ACTN2: variants seen among roughly 807,000 people sequenced by gnomAD.
ACTN2 encodes the protein actinin alpha 2.
A neutral mutation model predicts 113.8 loss-of-function variants in ACTN2; 39 were observed. The ratio of observed to expected loss-of-function variants is 0.34; its 90% CI spans 0.27 to 0.45. The LOEUF is 0.45. ACTN2 is among the 20% of genes least tolerant of loss of function. The probability of loss-of-function intolerance (pLI) is 1.00; values close to 1 mark genes in which losing one functional copy is unlikely to be tolerated. For missense variants in ACTN2, 992 were observed against 1,177.9 expected, an observed-to-expected ratio of 0.84 and a Z score of 2.31; for synonymous variants, 429 against 444.1, an observed-to-expected ratio of 0.97 and a Z score of 0.43.
rs1657617519 is a variant in ACTN2, at chr1:236,699,666, A to G, written c.126+12867A>G. ...TTTATCTACAGGAATGCCCTCTCAG[A>G]TCAGAGCTCCACAGGGACTGAGCCT... On this transcript the variant is annotated intron_variant, in intron 1 of 20. Transcript: ENST00000366578. 9.2e-5 allele frequency among the ~76,000 whole-genome samples: 14 copies of G among 152,264 alleles called. 1 individual carries two copies. In the South Asian group the frequency reaches 2.9e-3, roughly 32 times the overall value.
chr1:236,687,107 G>A (rs1041034620), intron 1 of ACTN2, among the ~76,000 whole-genome samples: 1 of 152,076 alleles, frequency 6.6e-6, no homozygotes, highest in Non-Finnish European at 1.5e-5. Context: ...CTGACCCCTT[G>A]AGTCTGTGAC....
intron 1 of ACTN2, among the ~76,000 whole-genome samples, chr1:236,712,665 A>G (rs1658063298): frequency 6.6e-6 from 1 of 152,154 alleles, no homozygotes; most frequent in Non-Finnish European, 1.5e-5. Flanking sequence ...TTATCTCTTT[A>G]CAGAAACAAA....
intron 1 of ACTN2, among the ~76,000 whole-genome samples, chr1:236,707,709 C>CTTTTTTTTTTT (rs5781919): frequency 1.8e-4 from 14 of 78,752 alleles, no homozygotes; most frequent in East Asian, 3.7e-4. Context: ...TCTTTTTTTT[C>CTTTTTTTTTTT]TTTTTTTTTT....
At chr1:236,752,990 A>G (rs961946419) in intron 15 of ACTN2, among the ~76,000 whole-genome samples, 1 of 152,246 alleles carries the variant, frequency 6.6e-6, no homozygotes, top group African/African-American at 2.4e-5. Flanking sequence ...ACAAAGAAAG[A>G]TTTTTGAAGT....
chr1:236,736,871 G>A (rs1658893383), intron 8 of ACTN2: 1 of 604,348 alleles, frequency 1.7e-6, no homozygotes, highest in Admixed American at 2.8e-5. Flanking sequence ...TTAGACTAAT[G>A]CTCTCTCCCC....
At chr1:236,746,180 A>AAAAAG (rs1659232957) in intron 12 of ACTN2, among the ~76,000 whole-genome samples, 1 of 150,938 alleles carries the variant, frequency 6.6e-6, no homozygotes, top group African/African-American at 2.4e-5. Flanking sequence ...AAAAAAAAAA[A>AAAAAG]AAAGAAAGAA....
chr1:236,736,458 A>G lies in ACTN2; in HGVS notation c.784-664A>G, dbSNP rs141326176. ...TTAGGCAAGCTTCTCTTGTTCCATC[A>G]GACAGTTATGGTTCAAGGCGCTTTG... On this transcript the variant is annotated intron_variant, in intron 8 of 20. Transcript: ENST00000366578. The G allele has an allele frequency of 1.3e-3, 907 of 700,886 alleles. 7 individuals are homozygous for G. The African/African-American group carries it at 0.015, about 11-fold the overall frequency. The allele number at this position is 700,886 out of a possible 1,614,324, so 43.4% of individuals were successfully genotyped here. A position where few individuals can be genotyped will look rare whatever the true frequency, so the allele number is the denominator to read the frequency against.
intron 1 of ACTN2, among the ~76,000 whole-genome samples, chr1:236,701,764 T>C (rs890768715): frequency 6.6e-6 from 1 of 152,224 alleles, no homozygotes; most frequent in African/African-American, 2.4e-5. Flanking sequence ...AGTATGTCTT[T>C]TCTGAAAATT....
At chr1:236,732,780 A>G (rs2102913007) in intron 7 of ACTN2, among the ~76,000 whole-genome samples, 1 of 152,256 alleles carries the variant, frequency 6.6e-6, no homozygotes, top group African/African-American at 2.4e-5. Context: ...GTCACATTGC[A>G]TTAAGGGCCC....
At position 236,737,167 on chromosome 1, in the gene ACTN2, C is replaced by A; in HGVS notation, c.829C>A (p.Gln277Lys). 1 of 1,607,612 alleles carries A rather than the reference C, an allele frequency of 6.2e-7. No individual in the cohort carries two copies. Among genetic ancestry groups the A allele is most frequent in the South Asian group, 1.1e-5 (1 of 90,908 alleles). Residue 277 changes from glutamine (Q) to lysine (K), a missense_variant, in exon 9 of 21, where the codon CAA (glutamine) becomes AAA (lysine). Around this residue, in one of 3 missense-constraint regions of ACTN2, gnomAD observed 220 missense variants for 337.5 expected, o/e 0.65. Coordinates refer to ENST00000366578, the MANE Select transcript of ACTN2 (RefSeq NM_001103.4). ...GATATGTAAGGTTCTTGCTGTGAAT[C>A]AAGAGAATGAGAGGCTGATGGAAGA... ...NRICKVLAVN[Q>K]ENERLMEEYE...
At chr1:236,715,112 G>T (rs906125109) in intron 1 of ACTN2, among the ~76,000 whole-genome samples, 1 of 151,898 alleles carries the variant, frequency 6.6e-6, no homozygotes, top group Non-Finnish European at 1.5e-5. Context: ...TGAGAGGATG[G>T]ATTTTTCTTT....
rs553086141 is a variant in ACTN2, at chr1:236,701,188, T to C, written c.126+14389T>C. On this transcript the variant is annotated intron_variant, in intron 1 of 20. Transcript: ENST00000366578. ...TTTAGACTACAAACTTTGGTCTCCC[T>C]GTTCTGAGGACATACACAGGCAGCC... Among the ~76,000 whole-genome samples, 5 of 152,338 alleles carry C rather than the reference T, an allele frequency of 3.3e-5. No homozygotes were observed. In the East Asian group the frequency reaches 7.7e-4, roughly 24 times the overall value.
chr1:236,735,095 G>A (rs7536539), intron 7 of ACTN2, among the ~76,000 whole-genome samples: 9,053 of 152,244 alleles, frequency 0.059, 322 homozygotes, highest in Middle Eastern at 0.11. Context: ...GTTATTAAAA[G>A]AGCTGCCCTC....
At chr1:236,747,972 G>A (rs1261432450) in intron 13 of ACTN2, 197 bp downstream of exon 13, 7 of 579,388 alleles carry the variant, frequency 1.2e-5, no homozygotes, top group Non-Finnish European at 2.1e-5. Flanking sequence ...TATCCAGACA[G>A]CAGCGAAGTA....
rs767798071 is a variant in ACTN2 at position 236,727,658 on chromosome 1, T to G, written c.537-20T>G. The G allele has an allele frequency of 6.2e-7, 1 of 1,613,890 alleles. No individual in the cohort carries two copies. The highest frequency in any genetic ancestry group is 8.5e-7 in the Non-Finnish European group (1 of 1,179,788). Reference sequence around the variant, plus strand: ...TCTCTCCACTAACACGTGTTCCTGTTCTTCTCGACGGCTGTGAAGCTGGAA... The same window carrying G: ...TCTCTCCACTAACACGTGTTCCTGTGCTTCTCGACGGCTGTGAAGCTGGAA... On this transcript the variant is annotated intron_variant, in intron 5 of 20. Transcript: ENST00000366578.
intron 4 of ACTN2, among the ~76,000 whole-genome samples, chr1:236,723,924 A>T (rs1216104964): frequency 6.6e-6 from 1 of 152,180 alleles, no homozygotes; most frequent in Non-Finnish European, 1.5e-5. Context: ...AAGTTATATA[A>T]GTGGCTTTGA....
rs576783493 is a variant in ACTN2 at position 236,755,095 on chromosome 1, A to T, written c.2051A>T (p.Asn684Ile). 1.2e-6 allele frequency: 2 copies of T among 1,614,226 alleles called. No individual in the cohort carries two copies. The highest frequency in any genetic ancestry group is 1.7e-6 in the Non-Finnish European group (2 of 1,180,042). The change falls in exon 17 of 21, where the codon AAC becomes ATC. Residue 684 changes from asparagine to isoleucine, a missense_variant. By Grantham distance (149) the Asn-to-Ile change is moderately radical. Coordinates refer to ENST00000366578, the MANE Select transcript of ACTN2 (RefSeq NM_001103.4). ...AACCAGCTGAAGCAGTATGAGCACA[A>T]CATCATCAACTATAAGAACAACATC... ...QMNQLKQYEH[N>I]IINYKNNIDK...
chr1:236,703,305 C>T (rs1326749593), intron 1 of ACTN2, among the ~76,000 whole-genome samples: 4 of 152,122 alleles, frequency 2.6e-5, no homozygotes, highest in Admixed American at 2.6e-4. Context: ...TTGTGCCAGC[C>T]TGGGGGAGGC....
intron 10 of ACTN2, among the ~76,000 whole-genome samples, chr1:236,742,007 G>C (rs1044111619): frequency 6.6e-6 from 1 of 151,992 alleles, no homozygotes; most frequent in Non-Finnish European, 1.5e-5. Flanking sequence ...TCCCCTCTTG[G>C]GCGTTCGAGT....
Sources: allele counts gnomAD v4.1 joint callset (sites outside exome capture counted in the v4.1 genomes callset), GRCh38; gene constraint gnomAD v4.1.1; regional missense constraint gnomAD v4.1.1; transcripts MANE v1.5; gene names NCBI Gene and HGNC (gene_info 2026-07-23, HGNC 2026-07-21).